Variants in XNDC1N observed in about 807,000 individuals in gnomAD.
The protein encoded by XNDC1N is XRCC1 N-terminal domain containing 1, N-terminal like, also known as protein XNDC1N.
the XNDC1N span, among the ~76,000 whole-genome samples, chr11:71,909,982 C>T: frequency 2.0e-5 from 3 of 152,092 alleles, no homozygotes; most frequent in African/African-American, 2.4e-5. Context: ...TCTGGCTAAG[C>T]GGTGGCCAAG....
At chr11:71,907,326 C>T in the XNDC1N span, among the ~76,000 whole-genome samples, 3 of 151,518 alleles carry the variant, frequency 2.0e-5, no homozygotes, top group Non-Finnish European at 2.9e-5. Context: ...CTGGATATTA[C>T]GAGCCCCATC....
At chr11:71,923,901 G>A in the XNDC1N span, among the ~76,000 whole-genome samples, 1 of 152,098 alleles carries the variant, frequency 6.6e-6, no homozygotes, top group East Asian at 1.9e-4. Flanking sequence ...TGGGAGTGGT[G>A]GCAGGGAGTA....
the XNDC1N span, chr11:71,893,770 A>C: frequency 9.0e-7 from 1 of 1,116,658 alleles, no homozygotes; most frequent in Non-Finnish European, 1.2e-6. Flanking sequence ...CCTGACACAG[A>C]TTTCCTTCTT....
chr11:71,902,126 A>C, the XNDC1N span, among the ~76,000 whole-genome samples: 1 of 152,126 alleles, frequency 6.6e-6, no homozygotes, highest in Non-Finnish European at 1.5e-5. Context: ...TTAATGATTG[A>C]ATTGACACTT....
the XNDC1N span, among the ~76,000 whole-genome samples, chr11:71,882,014 C>T: frequency 2.6e-5 from 4 of 151,352 alleles, no homozygotes; most frequent in Non-Finnish European, 4.4e-5. Flanking sequence ...TGAGAGAATA[C>T]CAAGCAAGAT....
chr11:71,887,812 G>A, the XNDC1N span, among the ~76,000 whole-genome samples: 14 of 152,270 alleles, frequency 9.2e-5, no homozygotes, highest in Middle Eastern at 6.8e-3. Flanking sequence ...TACCTAACCC[G>A]TCCACATTGT....
chr11:71,915,304 C>T, the XNDC1N span, among the ~76,000 whole-genome samples: 16 of 151,918 alleles, frequency 1.1e-4, no homozygotes, highest in Non-Finnish European at 1.5e-4. Context: ...AAAAATTAGC[C>T]GGGCGTGGTG....
the XNDC1N span, among the ~76,000 whole-genome samples, chr11:71,876,459 C>T: frequency 1.3e-5 from 2 of 152,116 alleles, no homozygotes; most frequent in African/African-American, 4.8e-5. Flanking sequence ...TTCCTCTGAC[C>T]CTTCTTTGAT....
the XNDC1N span, among the ~76,000 whole-genome samples, chr11:71,886,184 G>A: frequency 1.3e-5 from 2 of 151,954 alleles, no homozygotes; most frequent in Admixed American, 1.3e-4. Flanking sequence ...CTTCTCAACT[G>A]AAAAAACAAT....
chr11:71,905,271 GA>G, the XNDC1N span, among the ~76,000 whole-genome samples: 1 of 151,264 alleles, frequency 6.6e-6, no homozygotes, highest in African/African-American at 2.4e-5. Flanking sequence ...TGGATATTCC[GA>G]ATGCTATCAC....
the XNDC1N span, among the ~76,000 whole-genome samples, chr11:71,893,138 A>G: frequency 6.6e-6 from 1 of 152,184 alleles, no homozygotes; most frequent in Non-Finnish European, 1.5e-5. Context: ...AGAGAAGGAC[A>G]CTGTCATTGC....
At chr11:71,925,471 C>T in the XNDC1N span, among the ~76,000 whole-genome samples, 5 of 152,098 alleles carry the variant, frequency 3.3e-5, no homozygotes, top group East Asian at 1.9e-4. Context: ...AGCCAGTATG[C>T]GGCTAAGGCT....
At chr11:71,910,451 G>T in the XNDC1N span, among the ~76,000 whole-genome samples, 1 of 152,176 alleles carries the variant, frequency 6.6e-6, no homozygotes, top group African/African-American at 2.4e-5. Flanking sequence ...AAGGGTTCAA[G>T]AACTCCCCCA....
chr11:71,923,706 C>G, the XNDC1N span, among the ~76,000 whole-genome samples: 1 of 152,114 alleles, frequency 6.6e-6, no homozygotes, highest in African/African-American at 2.4e-5. Context: ...CAGGTGCCCG[C>G]CACCACGCCC....
the XNDC1N span, among the ~76,000 whole-genome samples, chr11:71,882,908 A>G: frequency 6.6e-6 from 1 of 152,238 alleles, no homozygotes; most frequent in Non-Finnish European, 1.5e-5. Context: ...AAGTTGCAGG[A>G]TAGAAAATCA....
the XNDC1N span, among the ~76,000 whole-genome samples, chr11:71,913,893 A>C: frequency 6.6e-6 from 1 of 152,196 alleles, no homozygotes; most frequent in Non-Finnish European, 1.5e-5. Flanking sequence ...CTATAAATGG[A>C]ACAGCAAAGC....
At chr11:71,877,364 G>A in the XNDC1N span, among the ~76,000 whole-genome samples, 5 of 152,226 alleles carry the variant, frequency 3.3e-5, no homozygotes, top group South Asian at 2.1e-4. Flanking sequence ...CTGGCCAGAC[G>A]TGGTGGCTCA....
chr11:71,885,188 T>G, the XNDC1N span, among the ~76,000 whole-genome samples: 1 of 151,920 alleles, frequency 6.6e-6, no homozygotes, highest in African/African-American at 2.4e-5. Context: ...ATCAAAGGGG[T>G]GTTTCTACTC....
chr11:71,925,259 G>T, the XNDC1N span, among the ~76,000 whole-genome samples: 8 of 151,878 alleles, frequency 5.3e-5, no homozygotes, highest in Non-Finnish European at 1.2e-4. Flanking sequence ...CAGGTTTCAC[G>T]TCTGAATCAT....
Sources: gnomAD v4.1 joint callset for allele counts (sites outside exome capture counted in the v4.1 genomes callset) on GRCh38, gnomAD v4.1.1 for gene constraint, MANE v1.5 for transcripts, NCBI Gene and HGNC (gene_info 2026-07-23, HGNC 2026-07-21) for gene names.